Variants in EIF4B observed in about 807,000 individuals in gnomAD.
EIF4B encodes eukaryotic translation initiation factor 4B.
EIF4B carries 8 observed loss-of-function variants against 79.3 expected under a neutral mutation model. The ratio of observed to expected loss-of-function variants is 0.10; its 90% confidence interval spans 0.06 to 0.18. EIF4B has a LOEUF of 0.18. EIF4B is among the 10% of genes least tolerant of loss of function. The pLI is 1.00. For synonymous variants in EIF4B, 238 were observed against 274.7 expected, an observed-to-expected ratio of 0.87 and a Z score of 1.32; for missense variants, 515 against 792.4, an observed-to-expected ratio of 0.65 and a Z score of 4.20.
intron 2 of EIF4B, 81 bp downstream of exon 2, chr12:53,016,691 G>A (rs1592216283): frequency 4.0e-6 from 6 of 1,487,202 alleles, no homozygotes; most frequent in Non-Finnish European, 4.5e-6. Context: ...CACATCGTTT[G>A]TAATCTGAAA....
intron 4 of EIF4B, among the ~76,000 whole-genome samples, chr12:53,020,403 A>G (rs1592218750): frequency 1.3e-5 from 2 of 152,336 alleles, no homozygotes; most frequent in African/African-American, 4.8e-5. Context: ...TTTAGTATTA[A>G]AGGCATATCT....
At chr12:53,014,744 G>A (rs1386784398) in intron 1 of EIF4B, 2 of 152,168 alleles carry the variant, frequency 1.3e-5, no homozygotes, top group Non-Finnish European at 2.9e-5. Context: ...TGATATTCTT[G>A]GATTAAAAAT....
chr12:53,008,216 A>C (rs1943000691), intron 1 of EIF4B, among the ~76,000 whole-genome samples: 2 of 152,236 alleles, frequency 1.3e-5, no homozygotes. Flanking sequence ...GGCGGAACAT[A>C]GGACAGCAAT....
In EIF4B at chr12:53,041,627, G is replaced by C. The variant is rs1943640875; in HGVS notation, c.*1404G>C. 1 of 152,118 alleles carries C rather than the reference G, an allele frequency of 6.6e-6. No homozygotes were observed. Among genetic ancestry groups the C allele is most frequent in the Non-Finnish European group, 1.5e-5 (1 of 68,042 alleles). 9.4% of individuals were successfully genotyped at this position (152,118 alleles called of 1,614,324 possible). ...CCTGCTTTTATATGCATTTTTGTAG[G>C]GATCAGCTTGGTAGACAGTATTAGC... On this transcript the variant is annotated 3_prime_UTR_variant, in exon 15 of 15. Coordinates refer to ENST00000262056, the MANE Select transcript of EIF4B (RefSeq NM_001417.7).
At chr12:53,013,843 C>T (rs990825665) in intron 1 of EIF4B, 4 of 151,660 alleles carry the variant, frequency 2.6e-5, no homozygotes, top group African/African-American at 9.7e-5. Context: ...TGAGACCCAA[C>T]CTCTCTGTAA....
intron 2 of EIF4B, among the ~76,000 whole-genome samples, chr12:53,018,425 C>T (rs547233923): frequency 1.1e-4 from 16 of 152,218 alleles, no homozygotes; most frequent in African/African-American, 3.4e-4. Flanking sequence ...CTAGCTTTAC[C>T]GTCTGTGACC....
At chr12:53,025,846 G>A (rs969171021) in intron 6 of EIF4B, among the ~76,000 whole-genome samples, 2 of 152,068 alleles carry the variant, frequency 1.3e-5, no homozygotes, top group African/African-American at 2.4e-5. Flanking sequence ...GGTGGCTCAC[G>A]CCTGTAATCC....
chr12:53,034,721 C>G lies in EIF4B; in HGVS notation c.1306+12C>G. On this transcript the variant is annotated intron_variant, in intron 10 of 14. Coordinates refer to ENST00000262056, the MANE Select transcript of EIF4B (RefSeq NM_001417.7). The stretch of plus-strand genomic sequence containing the variant: ...CACATCTAGCAGAAGTAAGTCAGAC[C>G]AGGGTGGGTATCGTGTTATTGCCGT... The G allele has an allele frequency of 6.2e-7, 1 of 1,613,962 alleles. No homozygotes were observed. Among genetic ancestry groups the G allele is most frequent in the Admixed American group, 1.7e-5 (1 of 60,008 alleles).
At chr12:53,039,987 TC>T (rs1943604736) in intron 14 of EIF4B, 155 bp from the exon 15 acceptor site, 3 of 827,266 alleles carry the variant, frequency 3.6e-6, no homozygotes, top group Non-Finnish European at 5.8e-6. Context: ...CTGACCCTCT[TC>T]CCTAGCTCCT....
rs990813522 is a variant in EIF4B, at chr12:53,041,593, C to G, written c.*1370C>G. On this transcript the variant is annotated 3_prime_UTR_variant, in exon 15 of 15. Coordinates refer to ENST00000262056, the MANE Select transcript of EIF4B (RefSeq NM_001417.7). ...CCTGGTTTCTCTTGCAACACAGTAGCTAAACTTGCCTGCTTTTATATGCAT... is the reference window on the plus strand; with the variant it reads ...CCTGGTTTCTCTTGCAACACAGTAGGTAAACTTGCCTGCTTTTATATGCAT... 6.6e-6 allele frequency: 1 copy of G among 152,096 alleles called. No homozygotes were observed. Among genetic ancestry groups the G allele is most frequent in the African/African-American group, 2.4e-5 (1 of 41,408 alleles). The allele number at this position is 152,096 out of a possible 1,614,324, so 9.4% of individuals were successfully genotyped here.
chr12:53,021,938 A>G (rs1943252258), intron 5 of EIF4B, 78 bp downstream of exon 5: 1 of 1,569,012 alleles, frequency 6.4e-7, no homozygotes, highest in East Asian at 2.2e-5. Flanking sequence ...GAAAATTTGA[A>G]TAGGGGTAGT....
rs370819454 is a variant in EIF4B, at chr12:53,015,709, G to A, written c.14-764G>A. 5.9e-4 allele frequency among the ~76,000 whole-genome samples: 89 copies of A among 149,714 alleles called. 1 individual carries two copies. In the South Asian group the frequency reaches 0.019, roughly 31 times the overall value. On this transcript the variant is annotated intron_variant, in intron 1 of 14. Coordinates refer to ENST00000262056, the MANE Select transcript of EIF4B (RefSeq NM_001417.7). ...AAAAAAAAATGGGGCCGGGTGTGGC[G>A]GTTCACACCGTAATCCCAGCACTTT...
chr12:53,030,998 C>T (rs1029599988), intron 8 of EIF4B, among the ~76,000 whole-genome samples: 2 of 151,688 alleles, frequency 1.3e-5, no homozygotes, highest in African/African-American at 4.8e-5. Context: ...CTTGCTCTTA[C>T]CCCCCCATTC....
intron 1 of EIF4B, among the ~76,000 whole-genome samples, chr12:53,007,600 C>T (rs557116515): frequency 2.6e-5 from 4 of 152,106 alleles, no homozygotes; most frequent in Admixed American, 6.6e-5. Context: ...AGTGATGACC[C>T]AACATCTTGT....
intron 5 of EIF4B, chr12:53,022,064 T>C (rs1384923584): frequency 1.5e-6 from 1 of 654,292 alleles, no homozygotes; most frequent in African/African-American, 1.8e-5. Context: ...GCTGCTGACA[T>C]AAGTAGAATC....
In EIF4B at chr12:53,022,603, A is replaced by C; in HGVS notation, c.643A>C (p.Arg215=). The C allele has an allele frequency of 2.5e-6, 4 of 1,614,006 alleles. No individual in the cohort carries two copies. Among genetic ancestry groups the C allele is most frequent in the Non-Finnish European group, 3.4e-6 (4 of 1,179,936 alleles). ...CAGCTTTGATGACTACCCACCTAGA[A>C]GAGGTGATGATAGCTTTGGAGACAG... ...TDSFDDYPPR[R]GDDSFGDKYR... The change falls in exon 6 of 15, where the codon AGA becomes CGA. Residue 215 remains arginine, a synonymous_variant. Transcript: ENST00000262056.
At chr12:53,016,675 ATAAT>A in intron 2 of EIF4B, 65 bp downstream of exon 2, 1 of 1,503,472 alleles carries the variant, frequency 6.7e-7, no homozygotes, top group South Asian at 1.4e-5. Context: ...CTATTACATA[ATAAT>A]TCACATCGTT....
rs1349104468 is a variant in EIF4B at position 53,018,788 on chromosome 12, T to G, written c.152-10T>G. 9.3e-6 allele frequency: 15 copies of G among 1,612,056 alleles called. No individual in the cohort carries two copies. The highest frequency in any genetic ancestry group is 1.3e-5 in the Non-Finnish European group (15 of 1,179,762). Reference sequence around the variant, plus strand: ...TCTTCTAATTTCTTACATTCATTCCTCTATCCTAGTTTCGACCACTTGGCA... The same window carrying G: ...TCTTCTAATTTCTTACATTCATTCCGCTATCCTAGTTTCGACCACTTGGCA... On this transcript the variant is annotated splice_polypyrimidine_tract_variant and intron_variant, in intron 2 of 14. Coordinates refer to ENST00000262056, the MANE Select transcript of EIF4B (RefSeq NM_001417.7).
At chr12:53,030,447 GTC>G (rs1410219295) in intron 8 of EIF4B, among the ~76,000 whole-genome samples, 2 of 23,878 alleles carry the variant, frequency 8.4e-5, no homozygotes, top group East Asian at 1.8e-3. Flanking sequence ...TTGAGACGGA[GTC>G]TCTCTCTAGT....
Sources: allele counts gnomAD v4.1 joint callset (sites outside exome capture counted in the v4.1 genomes callset), GRCh38; gene constraint gnomAD v4.1.1; transcripts MANE v1.5; gene names NCBI Gene and HGNC (gene_info 2026-07-23, HGNC 2026-07-21).